SLC35F1: variants seen among roughly 807,000 people sequenced by gnomAD.
The protein encoded by SLC35F1 is solute carrier family 35 member F1.
In SLC35F1, 14 loss-of-function variants were observed where a neutral mutation model predicts 48.7. The observed-to-expected ratio is 0.29, with a 90% CI of 0.19 to 0.45. The LOEUF (loss-of-function observed/expected upper bound fraction) is 0.45, where lower values mean the gene tolerates loss of function less well. Among genes scored for constraint, SLC35F1 ranks in the 20% least tolerant of loss-of-function variants. The probability of loss-of-function intolerance (pLI) is 1.00; values close to 1 mark genes in which losing one functional copy is unlikely to be tolerated. For synonymous variants in SLC35F1, 190 were observed against 202.2 expected (o/e 0.94, Z 0.51); for missense variants, 404 against 500.0 (o/e 0.81, Z 1.83).
In SLC35F1 at chr6:118,131,633, A is replaced by C. The variant is rs9374718; in HGVS notation, c.174-22812A>C. On this transcript the variant is annotated intron_variant, in intron 1 of 7. Transcript: ENST00000360388. ...GCCATCAGCAATACAGGAGGTTATAAGTTTTGCTCCCACTATTTAAACATA... is the reference window on the plus strand; with the variant it reads ...GCCATCAGCAATACAGGAGGTTATACGTTTTGCTCCCACTATTTAAACATA... Among the ~76,000 whole-genome samples the C allele has an allele frequency of 3.1e-4, 47 of 152,226 alleles. No individual in the cohort carries two copies. In the East Asian group the frequency reaches 7.3e-3, roughly 24 times the overall value.
chr6:118,112,108 TTTCTTTTCTTTTC>T (rs1773414875), intron 1 of SLC35F1, among the ~76,000 whole-genome samples: 1 of 89,998 alleles, frequency 1.1e-5, no homozygotes, highest in South Asian at 3.6e-4. Context: ...TTTCTTTTCT[TTTCTTTTCTTTTC>T]TTTTCTTTTC....
chr6:118,229,710 C>T (rs1034247), intron 2 of SLC35F1, among the ~76,000 whole-genome samples: 142,268 of 152,294 alleles, frequency 0.93, 66,509 homozygotes, highest in East Asian at 0.98. Flanking sequence ...TTAGTAGTAG[C>T]ATCTAATATA....
intron 3 of SLC35F1, among the ~76,000 whole-genome samples, chr6:118,266,165 T>C (rs1040378069): frequency 6.6e-6 from 1 of 152,214 alleles, no homozygotes; most frequent in African/African-American, 2.4e-5. Flanking sequence ...TAGCTGTAAA[T>C]GAGAATCTGT....
At chr6:118,282,034 TAGTG>T (rs1190540951) in intron 6 of SLC35F1, among the ~76,000 whole-genome samples, 7 of 152,338 alleles carry the variant, frequency 4.6e-5, no homozygotes, top group Non-Finnish European at 1.0e-4. Flanking sequence ...ATTCTATCCT[TAGTG>T]AGAGAGAGAA....
intron 1 of SLC35F1, among the ~76,000 whole-genome samples, chr6:118,011,968 C>T (rs1181149189): frequency 6.6e-6 from 1 of 152,164 alleles, no homozygotes; most frequent in Non-Finnish European, 1.5e-5. Flanking sequence ...GCTTTGAATT[C>T]TCAGAATGAT....
intron 1 of SLC35F1, among the ~76,000 whole-genome samples, chr6:117,997,078 A>C (rs1278313951): frequency 6.6e-6 from 1 of 152,190 alleles, no homozygotes; most frequent in Non-Finnish European, 1.5e-5. Context: ...GAAGTGCTTA[A>C]AGGAGCTGAT....
chr6:117,927,048 G>C (rs1251679318), intron 1 of SLC35F1, among the ~76,000 whole-genome samples: 2 of 152,172 alleles, frequency 1.3e-5, no homozygotes, highest in Non-Finnish European at 2.9e-5. Context: ...CGTGACCTCA[G>C]ACAAGTTATC....
intron 1 of SLC35F1, among the ~76,000 whole-genome samples, chr6:117,939,745 CT>C (rs911318762): frequency 6.0e-5 from 9 of 151,154 alleles, no homozygotes; most frequent in East Asian, 1.9e-4. Flanking sequence ...AAAGGTTATG[CT>C]TTTTTTTTCA....
intron 1 of SLC35F1, among the ~76,000 whole-genome samples, chr6:117,926,016 A>G (rs935075508): frequency 9.9e-5 from 15 of 152,184 alleles, no homozygotes; most frequent in African/African-American, 3.6e-4. Flanking sequence ...CTCACACAGT[A>G]TAATAGAAAA....
intron 1 of SLC35F1, among the ~76,000 whole-genome samples, chr6:118,005,557 G>C (rs1285755178): frequency 6.6e-6 from 1 of 152,096 alleles, no homozygotes; most frequent in East Asian, 1.9e-4. Flanking sequence ...AACCACAGCT[G>C]TGTTTCCCTG....
At chr6:118,293,363 G>T (rs1261331504) in intron 7 of SLC35F1, among the ~76,000 whole-genome samples, 1 of 152,030 alleles carries the variant, frequency 6.6e-6, no homozygotes, top group Non-Finnish European at 1.5e-5. Flanking sequence ...TGTATTTCTT[G>T]GCTCATGGCC....
At chr6:118,204,488 T>C (rs1197217217) in intron 2 of SLC35F1, among the ~76,000 whole-genome samples, 2 of 152,194 alleles carry the variant, frequency 1.3e-5, no homozygotes, top group Admixed American at 1.3e-4. Context: ...GCATATCTTC[T>C]CGTAATTTCT....
chr6:117,920,911 G>A (rs990973803), intron 1 of SLC35F1, among the ~76,000 whole-genome samples: 3 of 151,906 alleles, frequency 2.0e-5, no homozygotes, highest in Admixed American at 2.0e-4. Flanking sequence ...GAATATTCAT[G>A]GGGGATATAT....
At chr6:117,957,430 T>G (rs1467952302) in intron 1 of SLC35F1, among the ~76,000 whole-genome samples, 1 of 152,210 alleles carries the variant, frequency 6.6e-6, no homozygotes, top group Admixed American at 6.5e-5. Flanking sequence ...TTCAGAATAG[T>G]TTCTACCAAG....
chr6:118,233,230 G>A (rs1009290128), intron 2 of SLC35F1, among the ~76,000 whole-genome samples: 5 of 152,238 alleles, frequency 3.3e-5, no homozygotes, highest in African/African-American at 9.6e-5. Flanking sequence ...CTCCCAAAGT[G>A]CTGGGATTAC....
chr6:118,055,591 G>T (rs547462381), intron 1 of SLC35F1, among the ~76,000 whole-genome samples: 1 of 152,302 alleles, frequency 6.6e-6, no homozygotes, highest in East Asian at 1.9e-4. Context: ...TAATGGAGGA[G>T]TCTCTTTTCT....
At chr6:118,013,143 C>T (rs894378560) in intron 1 of SLC35F1, among the ~76,000 whole-genome samples, 43 of 152,112 alleles carry the variant, frequency 2.8e-4, no homozygotes, top group African/African-American at 9.7e-4. Flanking sequence ...CATGAATGGA[C>T]GTGATTGTGG....
At chr6:118,263,513 G>A (rs1002277645) in intron 3 of SLC35F1, among the ~76,000 whole-genome samples, 4 of 152,102 alleles carry the variant, frequency 2.6e-5, no homozygotes, top group Non-Finnish European at 4.4e-5. Flanking sequence ...TTCCATTAAA[G>A]TATTTTTAAT....
At chr6:118,067,917 T>C (rs9320636) in intron 1 of SLC35F1, among the ~76,000 whole-genome samples, 37,582 of 151,966 alleles carry the variant, frequency 0.25, 4,863 homozygotes, top group East Asian at 0.34. Context: ...TAGCTTTCTA[T>C]AGCTGCTGTA....
Sources: allele counts gnomAD v4.1 joint callset (sites outside exome capture counted in the v4.1 genomes callset), GRCh38; gene constraint gnomAD v4.1.1; transcripts MANE v1.5; gene names NCBI Gene and HGNC (gene_info 2026-07-23, HGNC 2026-07-21).